DMGDH: variants seen among roughly 807,000 people sequenced by gnomAD.
DMGDH encodes dimethylglycine dehydrogenase, also known as dimethylglycine dehydrogenase, mitochondrial.
Under a neutral mutation model 95.2 loss-of-function variants are expected in DMGDH, and 76 were observed. The observed-to-expected ratio is 0.80, with a 90% CI of 0.66 to 0.97. The LOEUF (loss-of-function observed/expected upper bound fraction) is 0.97. Among genes scored for constraint, DMGDH ranks in the 50% least tolerant of loss-of-function variants. The probability of loss-of-function intolerance (pLI) is 0.00; values close to 1 mark genes in which losing one functional copy is unlikely to be tolerated. For synonymous variants in DMGDH, 345 were observed against 377.6 expected, an observed-to-expected ratio of 0.91 and a Z score of 1.00; for missense variants, 987 against 1,055.0, an observed-to-expected ratio of 0.94 and a Z score of 0.89.
chr5:79,027,933 C>T (rs868163579), intron 12 of DMGDH, among the ~76,000 whole-genome samples: 4 of 151,904 alleles, frequency 2.6e-5, no homozygotes, highest in East Asian at 1.9e-4. Flanking sequence ...CTCCGCCTCC[C>T]GAGTTCAAGC....
intron 14 of DMGDH, among the ~76,000 whole-genome samples, chr5:79,017,940 A>G (rs1753770107): frequency 6.6e-6 from 1 of 152,224 alleles, no homozygotes; most frequent in Non-Finnish European, 1.5e-5. Context: ...CTGGAGTTTT[A>G]TTTGTAATAG....
chr5:79,016,924 A>G (rs1753744229), intron 14 of DMGDH, among the ~76,000 whole-genome samples: 2 of 152,196 alleles, frequency 1.3e-5, no homozygotes, highest in African/African-American at 4.8e-5. Context: ...CGAAGATATA[A>G]AGGCAATGAA....
intron 4 of DMGDH, among the ~76,000 whole-genome samples, chr5:79,053,560 A>C (rs994630477): frequency 6.7e-6 from 1 of 149,874 alleles, no homozygotes. Flanking sequence ...GAAATTATGC[A>C]TGTAAGGACT....
intron 14 of DMGDH, among the ~76,000 whole-genome samples, chr5:79,015,847 A>C (rs1753723023): frequency 6.6e-6 from 1 of 152,210 alleles, no homozygotes; most frequent in African/African-American, 2.4e-5. Flanking sequence ...AATGTTAGAA[A>C]ATTAATAAAT....
intron 1 of DMGDH, among the ~76,000 whole-genome samples, 200 bp from the exon 2 acceptor site, chr5:79,063,987 C>A (rs1180929208): frequency 6.6e-6 from 1 of 152,092 alleles, no homozygotes; most frequent in Non-Finnish European, 1.5e-5. Context: ...AGCCCCATTC[C>A]ATATAATGAT....
intron 2 of DMGDH, among the ~76,000 whole-genome samples, chr5:79,059,404 C>T (rs944885715): frequency 2.0e-4 from 31 of 152,336 alleles, no homozygotes; most frequent in African/African-American, 7.5e-4. Flanking sequence ...CCTGACACCC[C>T]TTCCTCTACC....
At chr5:79,014,207 T>C (rs982530560) in intron 14 of DMGDH, among the ~76,000 whole-genome samples, 41 of 152,212 alleles carry the variant, frequency 2.7e-4, no homozygotes, top group African/African-American at 8.7e-4. Flanking sequence ...AGGCAAGTAA[T>C]CAGGCTAATT....
At chr5:79,008,390 G>A (rs892763370) in intron 14 of DMGDH, among the ~76,000 whole-genome samples, 7 of 152,194 alleles carry the variant, frequency 4.6e-5, no homozygotes, top group African/African-American at 1.7e-4. Flanking sequence ...CACAGATACT[G>A]GATTTGGAGT....
chr5:79,006,052 CTTTTT>C (rs35854183), intron 14 of DMGDH, among the ~76,000 whole-genome samples: 1 of 142,764 alleles, frequency 7.0e-6, no homozygotes, highest in African/African-American at 2.6e-5. Flanking sequence ...GCTTTTCAAC[CTTTTT>C]TTTTTTTTTA....
At chr5:78,998,465 GAGA>G (rs1287865119) in intron 15 of DMGDH, among the ~76,000 whole-genome samples, 168 bp from the exon 16 acceptor site, 1 of 152,208 alleles carries the variant, frequency 6.6e-6, no homozygotes, top group African/African-American at 2.4e-5. Context: ...TTCACATTTT[GAGA>G]AGATGAATGA....
intron 5 of DMGDH, among the ~76,000 whole-genome samples, chr5:79,048,711 C>T (rs1754750536): frequency 6.6e-6 from 1 of 152,042 alleles, no homozygotes; most frequent in African/African-American, 2.4e-5. Flanking sequence ...GGGGAATCTT[C>T]TATCTTTTAA....
intron 5 of DMGDH, among the ~76,000 whole-genome samples, chr5:79,045,284 G>T (rs150452144): frequency 8.2e-4 from 125 of 152,328 alleles, no homozygotes; most frequent in Non-Finnish European, 1.5e-3. Flanking sequence ...AAGTAGGCAG[G>T]GAGTTCCCCA....
At chr5:79,069,292 A>C (rs1217885593) in intron 1 of DMGDH, among the ~76,000 whole-genome samples, 1 of 152,242 alleles carries the variant, frequency 6.6e-6, no homozygotes, top group Non-Finnish European at 1.5e-5. Context: ...GATTCAGAAG[A>C]CACTATTAAC....
chr5:79,043,855 A>G (rs1561222766), intron 6 of DMGDH, among the ~76,000 whole-genome samples: 1 of 152,002 alleles, frequency 6.6e-6, no homozygotes, highest in Non-Finnish European at 1.5e-5. Context: ...AGTACCAAAA[A>G]CCCTGCTCTG....
chr5:79,015,932 T>G (rs910479800), intron 14 of DMGDH, among the ~76,000 whole-genome samples: 12 of 152,100 alleles, frequency 7.9e-5, no homozygotes, highest in African/African-American at 2.9e-4. Flanking sequence ...TTGCTAAAAA[T>G]CCAGTATCTA....
intron 2 of DMGDH, 66 bp downstream of exon 2, chr5:79,063,546 CG>C (rs1436540787): frequency 6.3e-7 from 1 of 1,596,896 alleles, no homozygotes; most frequent in African/African-American, 1.3e-5. Context: ...GAGTTGTGAA[CG>C]GGAAGGAAAT....
intron 5 of DMGDH, among the ~76,000 whole-genome samples, chr5:79,049,842 G>A (rs756264091): frequency 1.3e-5 from 2 of 152,150 alleles, no homozygotes; most frequent in Non-Finnish European, 2.9e-5. Context: ...GAAAGCATGA[G>A]ATTTTATGGC....
intron 14 of DMGDH, among the ~76,000 whole-genome samples, chr5:79,008,983 C>A (rs964724407): frequency 1.3e-5 from 2 of 152,112 alleles, no homozygotes; most frequent in Non-Finnish European, 2.9e-5. Flanking sequence ...GATAAACCTG[C>A]ACCTTTAGAT....
intron 5 of DMGDH, among the ~76,000 whole-genome samples, chr5:79,045,519 T>A (rs1414662841): frequency 6.6e-6 from 1 of 152,210 alleles, no homozygotes. Context: ...CACATCTTAT[T>A]GGTTTTTCTT....
Sources: gnomAD v4.1 joint callset for allele counts (sites outside exome capture counted in the v4.1 genomes callset) on GRCh38, gnomAD v4.1.1 for gene constraint, MANE v1.5 for transcripts, NCBI Gene and HGNC (gene_info 2026-07-23, HGNC 2026-07-21) for gene names.